Variants in FBXO17 observed in about 807,000 individuals in gnomAD.
The protein encoded by FBXO17 is F-box protein 17.
A neutral mutation model predicts 34.1 loss-of-function variants in FBXO17; 43 were observed. That is an observed-to-expected ratio of 1.26 (90% CI 0.99 to 1.62). The LOEUF is 1.62. Ranked by LOEUF, FBXO17 falls within the 40% of genes most tolerant of loss-of-function variation. The pLI, the probability that FBXO17 is intolerant of heterozygous loss-of-function variation, is 0.00. For synonymous variants in FBXO17, 169 were observed against 166.0 expected (o/e 1.02, Z -0.14); for missense variants, 424 against 386.7 (o/e 1.10, Z -0.81).
chr19:38,960,014 A>C (rs1172682406), intron 1 of FBXO17, among the ~76,000 whole-genome samples: 1 of 152,242 alleles, frequency 6.6e-6, no homozygotes, highest in Non-Finnish European at 1.5e-5. Context: ...GTCCATGGAA[A>C]GGAACAAAAA....
chr19:38,974,022 A>ATATATATATATGT (rs1975425950), intron 1 of FBXO17, among the ~76,000 whole-genome samples: 1 of 128,226 alleles, frequency 7.8e-6, no homozygotes, highest in East Asian at 2.1e-4. Context: ...ATATGTGTAT[A>ATATATATATATGT]TATATATATA....
At position 38,950,911 on chromosome 19, in the gene FBXO17, C is replaced by T. The variant is rs192581504; in HGVS notation, c.-17-575G>A. ...GGTTCAAGCGATTCTCCTGCCTCAG[C>T]CTCCCGAGTAGCTGGAACTACAGGC... On this transcript the variant is annotated intron_variant, in intron 1 of 5. Coordinates refer to ENST00000292852, the MANE Select transcript of FBXO17 (RefSeq NM_024907.7). Among the ~76,000 whole-genome samples, 13 of 152,272 alleles carry T rather than the reference C, an allele frequency of 8.5e-5. No homozygotes were observed. In the East Asian group the frequency reaches 2.1e-3, roughly 25 times the overall value.
At position 38,950,129 on chromosome 19, in the gene FBXO17, G is replaced by A; in HGVS notation, c.191C>T (p.Ala64Val). The A allele has an allele frequency of 6.4e-7, 1 of 1,560,910 alleles. No homozygotes were observed. The highest frequency in any genetic ancestry group is 1.7e-4 in the Middle Eastern group (1 of 6,002). The stretch of plus-strand genomic sequence containing the variant: ...GCGGCCCTCGGCGCTGCGGTCGCGG[G>A]CCAGCTGCAGCAGCCACACAGTGGG... ...DGPTVWLLQL[A>V]RDRSAEGRAL... The change falls in exon 2 of 6, where the codon GCC (alanine) becomes GTC (valine). Residue 64 changes from alanine (A) to valine (V), a missense_variant. Physicochemically the swap from Ala to Val is moderately conservative, Grantham distance 64. Transcript: ENST00000292852.
chr19:38,953,968 G>C (rs1975124325), intron 1 of FBXO17, among the ~76,000 whole-genome samples: 1 of 151,966 alleles, frequency 6.6e-6, no homozygotes, highest in African/African-American at 2.4e-5. Flanking sequence ...GAGAGTGAAA[G>C]GGGGGGAGGA....
At chr19:38,960,709 T>C (rs745860417) in intron 1 of FBXO17, among the ~76,000 whole-genome samples, 4 of 151,754 alleles carry the variant, frequency 2.6e-5, no homozygotes, top group Non-Finnish European at 5.9e-5. Flanking sequence ...GGGTTTCACA[T>C]GTTGGCCAGG....
intron 1 of FBXO17, among the ~76,000 whole-genome samples, chr19:38,973,367 T>G (rs951855331): frequency 6.6e-6 from 1 of 152,034 alleles, no homozygotes; most frequent in Non-Finnish European, 1.5e-5. Context: ...AGAGAGAGAT[T>G]CTGCCTCAAA....
chr19:38,964,634 G>A (rs1199060339), intron 1 of FBXO17, among the ~76,000 whole-genome samples: 1 of 152,066 alleles, frequency 6.6e-6, no homozygotes, highest in East Asian at 1.9e-4. Flanking sequence ...AGACATGGTT[G>A]CAAGCGCCTG....
chr19:38,950,404 C>T, intron 1 of FBXO17, 68 bp from the exon 2 acceptor site: 2 of 1,386,718 alleles, frequency 1.4e-6, no homozygotes, highest in Non-Finnish European at 1.9e-6. Context: ...CCTTGTCCCC[C>T]AGGGCGCAAG....
chr19:38,974,852 G>T (rs1056865787), intron 1 of FBXO17, among the ~76,000 whole-genome samples: 1 of 152,134 alleles, frequency 6.6e-6, no homozygotes, highest in Non-Finnish European at 1.5e-5. Context: ...GTTTAAAGGC[G>T]TGTTGTTTTC....
intron 1 of FBXO17, among the ~76,000 whole-genome samples, chr19:38,955,271 C>T (rs896798280): frequency 6.6e-6 from 1 of 151,960 alleles, no homozygotes; most frequent in Non-Finnish European, 1.5e-5. Flanking sequence ...CTTCTTCACT[C>T]GGGTGGGAGT....
intron 1 of FBXO17, among the ~76,000 whole-genome samples, chr19:38,954,893 ATTTTATTATTATTATTATTAT>A (rs1975141938): frequency 1.1e-5 from 1 of 94,396 alleles, no homozygotes; most frequent in African/African-American, 4.4e-5. Context: ...ACAATGTGTT[ATTTTATTATTATTATTATTAT>A]TATTATTATT....
chr19:38,952,708 G>T, intron 1 of FBXO17: 1 of 513,156 alleles, frequency 1.9e-6, no homozygotes. Flanking sequence ...TTCTTCCGCA[G>T]CCCCAACCTC....
At chr19:38,949,950 G>A (rs1335940511) in intron 2 of FBXO17, 21 bp downstream of exon 2, 1 of 1,509,920 alleles carries the variant, frequency 6.6e-7, no homozygotes, top group Non-Finnish European at 8.8e-7. Flanking sequence ...CAGCCTCCTG[G>A]GCCCCGCCCC....
chr19:38,960,809 C>CTT (rs60174151), intron 1 of FBXO17, among the ~76,000 whole-genome samples: 8 of 139,326 alleles, frequency 5.7e-5, no homozygotes, highest in Middle Eastern at 3.3e-3. Flanking sequence ...CACCCGGCCA[C>CTT]TTTTTTTTTT....
At position 38,964,727 on chromosome 19, in the gene FBXO17, A is replaced by G. The variant is rs117532592; in HGVS notation, c.-18+10859T>C. ...GGCTGCAGTGAACTATGATCACACC[A>G]CTGTGCTCCAGCCTGGGTGACAGAG... On this transcript the variant is annotated intron_variant, in intron 1 of 5. Transcript: ENST00000292852. Among the ~76,000 whole-genome samples the G allele has an allele frequency of 9.5e-3, 1,446 of 152,070 alleles. 11 individuals carry two copies. Among genetic ancestry groups the G allele is most frequent in the Non-Finnish European group, 0.013 (905 of 67,992 alleles).
intron 1 of FBXO17, among the ~76,000 whole-genome samples, chr19:38,973,989 AT>A (rs77124260): frequency 8.3e-5 from 7 of 84,084 alleles, no homozygotes; most frequent in African/African-American, 2.6e-4. Context: ...ATTTGATTTG[AT>A]TTGAGACAGG....
intron 1 of FBXO17, among the ~76,000 whole-genome samples, chr19:38,971,093 A>G (rs10853722): frequency 0.76 from 110,161 of 144,682 alleles, 42,791 homozygotes; most frequent in East Asian, 0.96. Flanking sequence ...AGGAGAGTCC[A>G]TCTCAAAAAA....
intron 4 of FBXO17, 145 bp downstream of exon 4, chr19:38,946,327 A>G: frequency 7.4e-7 from 1 of 1,351,734 alleles, no homozygotes; most frequent in Non-Finnish European, 1.0e-6. Context: ...CCGGCTCTGC[A>G]TCACTTCCCC....
At chr19:38,951,085 C>T (rs1975076881) in intron 1 of FBXO17, among the ~76,000 whole-genome samples, 1 of 152,154 alleles carries the variant, frequency 6.6e-6, no homozygotes, top group Non-Finnish European at 1.5e-5. Flanking sequence ...CCACCACGCC[C>T]AGCCTGTTTT....
Sources: gnomAD v4.1 joint callset for allele counts (sites outside exome capture counted in the v4.1 genomes callset) on GRCh38, gnomAD v4.1.1 for gene constraint, MANE v1.5 for transcripts, NCBI Gene and HGNC (gene_info 2026-07-23, HGNC 2026-07-21) for gene names.